The following ELMO1 variants were observed in gnomAD, a reference collection of about 807,000 sequenced individuals.
ELMO1 encodes engulfment and cell motility protein 1.
In ELMO1, 26 loss-of-function variants were observed where a neutral mutation model predicts 98.9. That is an observed-to-expected ratio of 0.26 (90% CI 0.19 to 0.36). The LOEUF (loss-of-function observed/expected upper bound fraction) is 0.36. Ranked by LOEUF, ELMO1 falls within the 10% of genes least tolerant of loss-of-function variation. The probability of loss-of-function intolerance (pLI) is 1.00; values close to 1 mark genes in which losing one functional copy is unlikely to be tolerated. For synonymous variants in ELMO1, 346 were observed against 346.0 expected (o/e 1.00, Z 0.00); for missense variants, 627 against 935.2 (o/e 0.67, Z 4.30).
intron 16 of ELMO1, among the ~76,000 whole-genome samples, chr7:36,943,608 T>C (rs1418752914): frequency 6.6e-6 from 1 of 152,222 alleles, no homozygotes; most frequent in Non-Finnish European, 1.5e-5. Flanking sequence ...GTAAGAAAGT[T>C]TGAATGAATG....
chr7:37,002,787 T>C (rs543482959), intron 16 of ELMO1, among the ~76,000 whole-genome samples: 2 of 152,314 alleles, frequency 1.3e-5, no homozygotes, highest in African/African-American at 4.8e-5. Flanking sequence ...TAACTTTGAG[T>C]ACCTTCTAGA....
At chr7:36,862,391 T>TA (rs1802709195) in intron 20 of ELMO1, among the ~76,000 whole-genome samples, 1 of 152,246 alleles carries the variant, frequency 6.6e-6, no homozygotes, top group Admixed American at 6.5e-5. Context: ...AGCACGGGCT[T>TA]ACTCATTGGT....
At chr7:37,064,908 T>C (rs1452885743) in intron 15 of ELMO1, among the ~76,000 whole-genome samples, 2 of 152,178 alleles carry the variant, frequency 1.3e-5, no homozygotes, top group Non-Finnish European at 2.9e-5. Flanking sequence ...GTCTTAGTTG[T>C]GTTTGCCAGT....
intron 2 of ELMO1, among the ~76,000 whole-genome samples, chr7:37,316,838 G>A (rs1387991410): frequency 6.6e-6 from 1 of 152,116 alleles, no homozygotes; most frequent in Admixed American, 6.5e-5. Context: ...CCATAAAAAA[G>A]CTGTCTACAT....
intron 13 of ELMO1, among the ~76,000 whole-genome samples, chr7:37,196,583 G>T (rs1036213591): frequency 6.6e-6 from 1 of 152,166 alleles, no homozygotes; most frequent in African/African-American, 2.4e-5. Flanking sequence ...GACTCCAAGG[G>T]AGTGGGGGGT....
chr7:37,429,679 T>C (rs570396554), intron 1 of ELMO1: 10 of 152,448 alleles, frequency 6.6e-5, no homozygotes, highest in African/African-American at 2.4e-4. Flanking sequence ...ATTTTGTTTT[T>C]GTTTTTCTTT....
chr7:37,073,934 T>C (rs1797420141), intron 15 of ELMO1, among the ~76,000 whole-genome samples: 2 of 151,316 alleles, frequency 1.3e-5, no homozygotes, highest in African/African-American at 4.8e-5. Context: ...TATTTCTATG[T>C]ATCTTATACA....
chr7:37,304,341 G>A (rs1798492356), intron 4 of ELMO1, among the ~76,000 whole-genome samples: 1 of 152,088 alleles, frequency 6.6e-6, no homozygotes, highest in Admixed American at 6.6e-5. Flanking sequence ...TCTGAGGAGG[G>A]TGTGTGAGGG....
At chr7:37,392,409 G>A (rs1803119725) in intron 1 of ELMO1, among the ~76,000 whole-genome samples, 1 of 152,240 alleles carries the variant, frequency 6.6e-6, no homozygotes, top group Non-Finnish European at 1.5e-5. Flanking sequence ...CCATTCGAGA[G>A]TCCATGGGGC....
chr7:36,948,358 G>A lies in ELMO1; in HGVS notation c.1438-53341C>T, dbSNP rs76079812. On this transcript the variant is annotated intron_variant, in intron 16 of 21. Coordinates refer to ENST00000310758, the MANE Select transcript of ELMO1 (RefSeq NM_014800.11). ...ACCAGACTCCTTCAACCAAAGTCCG[G>A]AGTAAGGAGAAGATTTCACATTGAG... Among the ~76,000 whole-genome samples, 453 of 152,270 alleles carry A rather than the reference G, an allele frequency of 3.0e-3. 2 individuals are homozygous for A. The highest frequency in any genetic ancestry group is 0.01 in the African/African-American group (433 of 41,556).
intron 18 of ELMO1, among the ~76,000 whole-genome samples, chr7:36,884,123 C>A (rs1804713728): frequency 6.6e-6 from 1 of 152,102 alleles, no homozygotes; most frequent in Non-Finnish European, 1.5e-5. Flanking sequence ...GAGTTCGAGA[C>A]CAGCCTGGCC....
intron 16 of ELMO1, among the ~76,000 whole-genome samples, chr7:36,970,365 A>T (rs542955733): frequency 4.3e-4 from 66 of 152,238 alleles, no homozygotes; most frequent in Non-Finnish European, 8.7e-4. Context: ...ATCCAGATGC[A>T]GCTGAGCAGC....
At chr7:37,276,095 A>C (rs1796817523) in intron 4 of ELMO1, among the ~76,000 whole-genome samples, 1 of 152,170 alleles carries the variant, frequency 6.6e-6, no homozygotes, top group Non-Finnish European at 1.5e-5. Flanking sequence ...AACCTGGTGC[A>C]AGTGGCATGG....
rs1189718246 is a variant in ELMO1, at chr7:36,853,894, T to C, written c.*1657A>G. Among the ~76,000 whole-genome samples, 2 of 152,238 alleles carry C rather than the reference T, an allele frequency of 1.3e-5. No individual in the cohort carries two copies. Among genetic ancestry groups the C allele is most frequent in the East Asian group, 1.9e-4 (1 of 5,200 alleles). On this transcript the variant is annotated 3_prime_UTR_variant, in exon 22 of 22. Transcript: ENST00000310758. ...ACATCCTTCGCTGGGCTCTGACCTA[T>C]AATTTATTAACCCACGGTTAGATTT...
At chr7:37,126,218 G>GCA (rs1388442469) in intron 14 of ELMO1, among the ~76,000 whole-genome samples, 5 of 149,452 alleles carry the variant, frequency 3.3e-5, no homozygotes, top group African/African-American at 4.9e-5. Context: ...AATGGGTGCG[G>GCA]CACACCAACA....
chr7:37,262,330 G>T (rs1796018219), intron 5 of ELMO1, among the ~76,000 whole-genome samples: 2 of 152,248 alleles, frequency 1.3e-5, no homozygotes, highest in South Asian at 2.1e-4. Context: ...TACCAAGATG[G>T]TCACATGTAA....
At chr7:36,960,029 C>CA in intron 16 of ELMO1, among the ~76,000 whole-genome samples, 1 of 152,198 alleles carries the variant, frequency 6.6e-6, no homozygotes, top group East Asian at 1.9e-4. Flanking sequence ...AACTTTGTCT[C>CA]AGTCTATTGT....
At position 37,025,202 on chromosome 7, in the gene ELMO1, C is replaced by G. The variant is rs75511914; in HGVS notation, c.1301-11767G>C. On this transcript the variant is annotated intron_variant, in intron 15 of 21. Transcript: ENST00000310758. ...AGGTCTAGGAAATGCTGTTCTTGGC[C>G]CAAAGAGAAAAAATAACAATAAAAA... Among the ~76,000 whole-genome samples, 255 of 151,520 alleles carry G rather than the reference C, an allele frequency of 1.7e-3. 5 individuals are homozygous for G. The East Asian group carries it at 0.043, about 26-fold the overall frequency.
intron 1 of ELMO1, among the ~76,000 whole-genome samples, chr7:37,406,578 T>C (rs12530543): frequency 0.23 from 35,082 of 151,468 alleles, 4,297 homozygotes; most frequent in East Asian, 0.41. Flanking sequence ...TACAGGCAGC[T>C]ACCATCACGC....
Sources: allele counts gnomAD v4.1 joint callset (sites outside exome capture counted in the v4.1 genomes callset), GRCh38; gene constraint gnomAD v4.1.1; transcripts MANE v1.5; gene names NCBI Gene and HGNC (gene_info 2026-07-23, HGNC 2026-07-21).